Variants in CEP170 observed in about 807,000 individuals in gnomAD.
CEP170 encodes centrosomal protein 170.
A neutral mutation model predicts 151.9 loss-of-function variants in CEP170; 21 were observed. That is an observed-to-expected ratio of 0.14 (90% CI 0.10 to 0.20). The LOEUF (loss-of-function observed/expected upper bound fraction) is 0.20, where lower values mean the gene tolerates loss of function less well. Ranked by LOEUF, CEP170 falls within the 10% of genes least tolerant of loss-of-function variation. The pLI, the probability that CEP170 is intolerant of heterozygous loss-of-function variation, is 1.00. For synonymous variants in CEP170, 356 were observed against 648.8 expected (o/e 0.55, Z 6.86); for missense variants, 964 against 1,892.9 (o/e 0.51, Z 9.11).
intron 14 of CEP170, among the ~76,000 whole-genome samples, chr1:243,143,588 C>T (rs1036602210): frequency 6.6e-6 from 1 of 151,940 alleles, no homozygotes; most frequent in Admixed American, 6.6e-5. Flanking sequence ...AAGACATTAA[C>T]GTTTTCCAAG....
chr1:243,153,213 T>C (rs2057270384), intron 14 of CEP170, among the ~76,000 whole-genome samples: 2 of 152,312 alleles, frequency 1.3e-5, no homozygotes, highest in African/African-American at 2.4e-5. Context: ...AGATGAGAAG[T>C]TGCTTCTTAT....
At chr1:243,222,636 G>C (rs2062917664) in intron 2 of CEP170, among the ~76,000 whole-genome samples, 1 of 152,196 alleles carries the variant, frequency 6.6e-6, no homozygotes, top group African/African-American at 2.4e-5. Flanking sequence ...AAAGCAAAGA[G>C]AGTATCAAAA....
intron 2 of CEP170, among the ~76,000 whole-genome samples, chr1:243,223,722 T>C (rs2063005751): frequency 6.6e-6 from 1 of 152,166 alleles, no homozygotes; most frequent in African/African-American, 2.4e-5. Context: ...ATCACAAGAA[T>C]ACATCGTTTG....
chr1:243,143,295 G>A (rs1301020132), intron 14 of CEP170, among the ~76,000 whole-genome samples: 1 of 152,134 alleles, frequency 6.6e-6, no homozygotes, highest in Non-Finnish European at 1.5e-5. Flanking sequence ...TTCTTTTGAG[G>A]TAGGATTCAT....
intron 1 of CEP170, among the ~76,000 whole-genome samples, chr1:243,239,170 A>G (rs937975861): frequency 1.3e-5 from 2 of 152,186 alleles, no homozygotes. Context: ...CCTCAGATTT[A>G]ATTTTTAAAA....
At position 243,131,079 on chromosome 1, in the gene CEP170, T is replaced by A. The variant is rs185650624; in HGVS notation, c.4320-1626A>T. Reference sequence around the variant, plus strand: ...TCCAGAGGATGGCTACTGAGTATAGTGTTTGTGGATCTAAAACTGTTAAAC... The same window carrying A: ...TCCAGAGGATGGCTACTGAGTATAGAGTTTGTGGATCTAAAACTGTTAAAC... On this transcript the variant is annotated intron_variant, in intron 17 of 19. Transcript: ENST00000366542. 2.2e-3 allele frequency among the ~76,000 whole-genome samples: 331 copies of A among 152,238 alleles called. 2 individuals carry two copies. The highest frequency in any genetic ancestry group is 7.7e-3 in the African/African-American group (318 of 41,546).
At chr1:243,145,062 G>A (rs1374546489) in intron 14 of CEP170, among the ~76,000 whole-genome samples, 1 of 151,570 alleles carries the variant, frequency 6.6e-6, no homozygotes, top group African/African-American at 2.4e-5. Flanking sequence ...TTCACTGAAG[G>A]GTTGTATACT....
intron 15 of CEP170, 178 bp downstream of exon 15, chr1:243,142,138 C>G: frequency 8.3e-7 from 1 of 1,203,754 alleles, no homozygotes; most frequent in Non-Finnish European, 1.1e-6. Context: ...CAAATGTTAG[C>G]CTTCACTAGT....
chr1:243,218,262 G>A (rs952356459), intron 3 of CEP170, among the ~76,000 whole-genome samples: 4 of 152,196 alleles, frequency 2.6e-5, no homozygotes, highest in African/African-American at 9.6e-5. Context: ...GGGACACAGT[G>A]TGTCTGGAAC....
intron 16 of CEP170, among the ~76,000 whole-genome samples, chr1:243,137,547 T>C (rs1482218250): frequency 6.6e-6 from 1 of 151,754 alleles, no homozygotes; most frequent in Non-Finnish European, 1.5e-5. Flanking sequence ...GAGGCTGGGG[T>C]GGGTGGATCA....
chr1:243,190,475 A>T (rs916975119), intron 8 of CEP170, among the ~76,000 whole-genome samples: 12 of 152,192 alleles, frequency 7.9e-5, no homozygotes, highest in Admixed American at 3.9e-4. Context: ...AAAAAATTTT[A>T]AAACTGGATT....
At chr1:243,147,158 T>A (rs531333881) in intron 14 of CEP170, among the ~76,000 whole-genome samples, 1 of 152,242 alleles carries the variant, frequency 6.6e-6, no homozygotes, top group Non-Finnish European at 1.5e-5. Flanking sequence ...TATAAAAAAG[T>A]ACCCAGATGT....
At chr1:243,189,712 A>T (rs1171304963) in intron 8 of CEP170, among the ~76,000 whole-genome samples, 1 of 151,984 alleles carries the variant, frequency 6.6e-6, no homozygotes, top group Non-Finnish European at 1.5e-5. Flanking sequence ...GAGTGGTTTT[A>T]AAAAGTCTAA....
intron 1 of CEP170, among the ~76,000 whole-genome samples, chr1:243,254,187 A>AAAAT (rs139268057): frequency 0.055 from 8,170 of 148,704 alleles, 620 homozygotes; most frequent in African/African-American, 0.17. Context: ...TACATTCCTC[A>AAAAT]AAATAAATAA....
intron 14 of CEP170, among the ~76,000 whole-genome samples, chr1:243,155,296 AC>A (rs1225712397): frequency 6.6e-6 from 1 of 152,240 alleles, no homozygotes; most frequent in Non-Finnish European, 1.5e-5. Flanking sequence ...CAGAAAAAAC[AC>A]AATTCACAGA....
chr1:243,152,076 A>G (rs2057135990), intron 14 of CEP170, among the ~76,000 whole-genome samples: 1 of 152,232 alleles, frequency 6.6e-6, no homozygotes, highest in Non-Finnish European at 1.5e-5. Context: ...CTGCTCAGAA[A>G]AAAATGATTA....
intron 9 of CEP170, 84 bp downstream of exon 9, chr1:243,186,175 C>T (rs2059925918): frequency 9.3e-6 from 15 of 1,613,160 alleles, no homozygotes; most frequent in African/African-American, 2.7e-5. Context: ...ACAAGATTCC[C>T]GCACTTTGAG....
intron 10 of CEP170, among the ~76,000 whole-genome samples, chr1:243,174,669 T>C (rs2059102713): frequency 6.6e-6 from 1 of 152,230 alleles, no homozygotes; most frequent in Non-Finnish European, 1.5e-5. Flanking sequence ...TATCTTTGCT[T>C]TAAGAGCAAA....
rs2060434267 is a variant in CEP170, at chr1:243,193,328, G to T, written c.632-1834C>A. ...TTGATCAAGTCCATACAGTACAACT[G>T]GTTCATAAACCTGTCCTCTCTCCCT... is the stretch of plus-strand genomic sequence containing the variant. On this transcript the variant is annotated intron_variant, in intron 7 of 19. Coordinates refer to ENST00000366542, the MANE Select transcript of CEP170 (RefSeq NM_014812.3). 2.6e-5 allele frequency among the ~76,000 whole-genome samples: 4 copies of T among 151,714 alleles called. No homozygotes were observed. In the South Asian group the frequency reaches 8.3e-4, roughly 32 times the overall value.
Sources: gnomAD v4.1 joint callset for allele counts (sites outside exome capture counted in the v4.1 genomes callset) on GRCh38, gnomAD v4.1.1 for gene constraint, MANE v1.5 for transcripts, NCBI Gene and HGNC (gene_info 2026-07-23, HGNC 2026-07-21) for gene names.